The following PDXDC1 variants were observed in gnomAD, a reference collection of about 807,000 sequenced individuals.
PDXDC1 encodes pyridoxal-dependent decarboxylase domain-containing protein 1.
PDXDC1 carries 42 observed loss-of-function variants against 100.1 expected under a neutral mutation model. That is an observed-to-expected ratio of 0.42 (90% CI 0.33 to 0.54). PDXDC1 has a LOEUF of 0.54. Ranked by LOEUF, PDXDC1 falls within the 20% of genes least tolerant of loss-of-function variation. The probability of loss-of-function intolerance (pLI) is 0.10; values close to 1 mark genes in which losing one functional copy is unlikely to be tolerated. For synonymous variants in PDXDC1, 260 were observed against 371.7 expected, an observed-to-expected ratio of 0.70 and a Z score of 3.46; for missense variants, 636 against 979.2, an observed-to-expected ratio of 0.65 and a Z score of 4.68.
intron 16 of PDXDC1, chr16:15,131,543 G>A (rs1265371447): frequency 6.2e-7 from 1 of 1,609,656 alleles, no homozygotes; most frequent in Non-Finnish European, 8.5e-7. Context: ...TCGCCCGCCA[G>A]TGTCAGGGGC....
intron 16 of PDXDC1, among the ~76,000 whole-genome samples, chr16:15,049,178 A>G (rs537114396): frequency 6.7e-6 from 1 of 148,990 alleles, no homozygotes; most frequent in African/African-American, 2.5e-5. Flanking sequence ...ACAGGCACAC[A>G]CCGCCACACC....
chr16:15,000,863 A>G (rs1376241959), intron 3 of PDXDC1, among the ~76,000 whole-genome samples: 3 of 150,458 alleles, frequency 2.0e-5, no homozygotes, highest in Non-Finnish European at 4.4e-5. Context: ...GTGACTGTCT[A>G]GCATTATACT....
intron 16 of PDXDC1, among the ~76,000 whole-genome samples, chr16:15,051,141 G>A (rs1377983042): frequency 6.6e-6 from 1 of 152,214 alleles, no homozygotes; most frequent in Non-Finnish European, 1.5e-5. Context: ...GGAAGAGAAG[G>A]GAGGGCGCAA....
At chr16:14,989,173 G>C (rs1021579209) in intron 1 of PDXDC1, 1 of 1,614,212 alleles carries the variant, frequency 6.2e-7, no homozygotes, top group East Asian at 2.2e-5. Context: ...TCTTGAAGCA[G>C]CTCCGCCGCT....
chr16:14,995,377 G>A (rs1191329670), intron 1 of PDXDC1, among the ~76,000 whole-genome samples: 22 of 152,382 alleles, frequency 1.4e-4, no homozygotes, highest in East Asian at 1.9e-4. Context: ...GTCAAAGGCC[G>A]TTCTGCATGT....
intron 16 of PDXDC1, chr16:15,060,361 A>T (rs2044667655): frequency 5.1e-6 from 1 of 195,944 alleles, no homozygotes; most frequent in African/African-American, 2.4e-5. Flanking sequence ...AAGCAATAAA[A>T]ATTTCTATTT....
chr16:15,131,748 G>C (rs2048072680), intron 16 of PDXDC1: 1 of 1,102,048 alleles, frequency 9.1e-7, no homozygotes, highest in Admixed American at 2.2e-5. Flanking sequence ...CAGGGAGGCA[G>C]AGGGAGGGTG....
At chr16:15,134,102 C>G in intron 16 of PDXDC1, 1 of 1,515,364 alleles carries the variant, frequency 6.6e-7, no homozygotes, top group Non-Finnish European at 9.0e-7. Flanking sequence ...GGTGAGGGGG[C>G]GCAACCCTCT....
Position 15,036,774 on chromosome 16 carries a change from G to T in PDXDC1, c.*499G>T. 1 of 161,576 alleles carries T rather than the reference G, an allele frequency of 6.2e-6. No individual in the cohort carries two copies. The highest frequency in any genetic ancestry group is 1.7e-4 in the South Asian group (1 of 5,914). 10.0% of individuals were successfully genotyped at this position (161,576 alleles called of 1,614,324 possible). ...AGACTTGAAGGAGAGCAGTGATTGT[G>T]GGATTGTAAATAAGAGCATCAGAAG... is the stretch of plus-strand genomic sequence containing the variant. On this transcript the variant is annotated 3_prime_UTR_variant, in exon 23 of 23. Transcript: ENST00000396410.
At chr16:15,018,383 T>C (rs2041949374) in intron 11 of PDXDC1, among the ~76,000 whole-genome samples, 2 of 152,364 alleles carry the variant, frequency 1.3e-5, no homozygotes, top group Non-Finnish European at 1.5e-5. Context: ...CACTGCAGCC[T>C]GGGCGACAGA....
intron 16 of PDXDC1, among the ~76,000 whole-genome samples, chr16:15,089,306 C>T (rs780555425): frequency 2.0e-5 from 3 of 151,862 alleles, no homozygotes; most frequent in Admixed American, 6.6e-5. Context: ...TCCCCAAAAA[C>T]GAAAATGAAA....
At chr16:15,149,858 A>T in the PDXDC1 span, among the ~76,000 whole-genome samples, 1 of 152,144 alleles carries the variant, frequency 6.6e-6, no homozygotes, top group Non-Finnish European at 1.5e-5. Context: ...CAGCCAGGAC[A>T]ACCTCTGGGA....
intron 16 of PDXDC1, chr16:15,104,248 C>T: frequency 7.7e-7 from 1 of 1,304,492 alleles, no homozygotes; most frequent in Non-Finnish European, 1.0e-6. Flanking sequence ...CGATTAAAAA[C>T]CTCAGGTCCC....
the PDXDC1 span, among the ~76,000 whole-genome samples, chr16:15,146,401 C>T: frequency 6.6e-6 from 1 of 152,174 alleles, no homozygotes; most frequent in Non-Finnish European, 1.5e-5. Context: ...TCAGGCAGTG[C>T]CACTCGCCAG....
chr16:15,071,345 A>G (rs2045218874), intron 16 of PDXDC1: 1 of 1,179,436 alleles, frequency 8.5e-7, no homozygotes. Flanking sequence ...CAATGTAGGG[A>G]AAAGTTCTAC....
chr16:15,060,179 T>C, intron 16 of PDXDC1: 1 of 423,162 alleles, frequency 2.4e-6, no homozygotes, highest in Non-Finnish European at 4.7e-6. Context: ...TAAAACTACT[T>C]CCCAACCCAC....
intron 5 of PDXDC1, among the ~76,000 whole-genome samples, chr16:15,004,729 C>A (rs1184199576): frequency 6.6e-6 from 1 of 152,220 alleles, no homozygotes; most frequent in Admixed American, 6.5e-5. Flanking sequence ...CCCATCCTCA[C>A]CCTATGGATA....
At chr16:15,127,111 G>C in intron 16 of PDXDC1, 1 of 358,912 alleles carries the variant, frequency 2.8e-6, no homozygotes, top group South Asian at 2.1e-5. Context: ...GTTTCTAAGG[G>C]ACTAACTCGG....
At chr16:15,034,728 C>T (rs567969401) in intron 21 of PDXDC1, among the ~76,000 whole-genome samples, 175 bp downstream of exon 21, 1 of 152,270 alleles carries the variant, frequency 6.6e-6, no homozygotes, top group Non-Finnish European at 1.5e-5. Flanking sequence ...TCCTCCCCAC[C>T]GCACCCTGGC....
Sources: allele counts gnomAD v4.1 joint callset (sites outside exome capture counted in the v4.1 genomes callset), GRCh38; gene constraint gnomAD v4.1.1; transcripts MANE v1.5; gene names NCBI Gene and HGNC (gene_info 2026-07-23, HGNC 2026-07-21).